Variants in ZPR1 observed in about 807,000 individuals in gnomAD.
ZPR1 encodes the protein zinc finger protein ZPR1.
Under a neutral mutation model 59.6 loss-of-function variants are expected in ZPR1, and 37 were observed. That is an observed-to-expected ratio of 0.62 (90% CI 0.48 to 0.82). The LOEUF is 0.82. ZPR1 is among the 40% of genes least tolerant of loss of function. The pLI, the probability that ZPR1 is intolerant of heterozygous loss-of-function variation, is 0.00. For synonymous variants in ZPR1, 191 were observed against 215.2 expected, an observed-to-expected ratio of 0.89 and a Z score of 0.99; for missense variants, 527 against 579.9, an observed-to-expected ratio of 0.91 and a Z score of 0.94.
chr11:116,779,587 C>T (rs1240041801), intron 13 of ZPR1, among the ~76,000 whole-genome samples, 185 bp downstream of exon 13: 1 of 151,324 alleles, frequency 6.6e-6, no homozygotes, highest in Non-Finnish European at 1.5e-5. Context: ...TCTTTACATA[C>T]ACTTAAAAAA....
rs1309071241 is a variant in ZPR1 at position 116,774,138 on chromosome 11, TGACTG to T, written c.*4782_*4786del. 6.6e-6 allele frequency: 1 copy of T among 152,232 alleles called. No homozygotes were observed. The highest frequency in any genetic ancestry group is 6.5e-5 in the Admixed American group (1 of 15,270). The allele number at this position is 152,232 out of a possible 1,614,324, so 9.4% of individuals were successfully genotyped here. A position where few individuals can be genotyped will look rare whatever the true frequency, so the allele number is the denominator to read the frequency against. On this transcript the variant is annotated 3_prime_UTR_variant, in exon 14 of 14. Transcript: ENST00000227322. ...TATATATTCAAGGTGTACAATGTGA[TGACTG>T]GATATAATTATACATTGTGTAATGA...
In ZPR1 at chr11:116,784,739, T is replaced by G. The variant is rs186785890; in HGVS notation, c.820+116A>C. The G allele has an allele frequency of 8.2e-4, 911 of 1,107,670 alleles. 3 individuals are homozygous for G. The African/African-American group carries it at 0.012, about 15-fold the overall frequency. The allele number at this position is 1,107,670 out of a possible 1,614,324, so 68.6% of individuals were successfully genotyped here. A position where few individuals can be genotyped will look rare whatever the true frequency, so the allele number is the denominator to read the frequency against. On this transcript the variant is annotated intron_variant, in intron 8 of 13. Coordinates refer to ENST00000227322, the MANE Select transcript of ZPR1 (RefSeq NM_003904.5). ...ACACAGTCTAATCAAAGATAATATC[T>G]TCCTTATCACTGGGTATAAAGCATG... is the stretch of plus-strand genomic sequence containing the variant.
chr11:116,780,784 C>T (rs555926300), intron 12 of ZPR1, among the ~76,000 whole-genome samples: 6 of 152,136 alleles, frequency 3.9e-5, no homozygotes, highest in East Asian at 3.9e-4. Context: ...GTCTTTAGCC[C>T]GCTACTTGTA....
intron 9 of ZPR1, among the ~76,000 whole-genome samples, chr11:116,783,888 G>C (rs989672318): frequency 1.3e-5 from 2 of 149,184 alleles, no homozygotes; most frequent in Admixed American, 6.7e-5. Context: ...AAAGACTTTT[G>C]GGGTTGAAAG....
At chr11:116,783,737 GA>G (rs1940844786) in intron 9 of ZPR1, 118 bp from the exon 10 acceptor site, 1 of 752,496 alleles carries the variant, frequency 1.3e-6, no homozygotes, top group African/African-American at 1.7e-5. Flanking sequence ...AGCTACCAAA[GA>G]AAGAGCCTTC....
Position 116,785,641 on chromosome 11 carries a change from CAAATGGGAG to C in ZPR1, c.583-14_583-6del. On this transcript the variant is annotated splice_polypyrimidine_tract_variant and splice_region_variant and intron_variant, in intron 5 of 13. Transcript: ENST00000227322. ...CCCTGAGGGATCATCAATGATCTAA[CAAATGGGAG>C]AAGAGAGAGTCACTGCAAAAGAAAA... The C allele has an allele frequency of 6.2e-7, 1 of 1,614,012 alleles. No individual in the cohort carries two copies. Among genetic ancestry groups the C allele is most frequent in the South Asian group, 1.1e-5 (1 of 91,072 alleles).
Position 116,783,017 on chromosome 11 carries a change from T to G in ZPR1, c.994A>C (p.Ser332Arg). 1.2e-6 allele frequency: 2 copies of G among 1,614,036 alleles called. No homozygotes were observed. The highest frequency in any genetic ancestry group is 8.5e-7 in the Non-Finnish European group (1 of 1,179,894). The change falls in exon 11 of 14, where the codon AGT (serine) becomes CGT (arginine). Residue 332 changes from serine (S) to arginine (R), a missense_variant. Coordinates refer to ENST00000227322, the MANE Select transcript of ZPR1 (RefSeq NM_003904.5). ...AATTCTAGCTCTGGGATTTCCACAC[T>G]GCAAGTCTCAGACTGTGAAATGAGA... is the stretch of plus-strand genomic sequence containing the variant. ...TRDLLKSETCSVEIPELEFEL... is the reference protein window; with the variant it reads ...TRDLLKSETCRVEIPELEFEL...
At chr11:116,786,706 G>T in intron 3 of ZPR1, 125 bp from the exon 4 acceptor site, 1 of 833,718 alleles carries the variant, frequency 1.2e-6, no homozygotes, top group Non-Finnish European at 2.0e-6. Flanking sequence ...AAATGAGAAG[G>T]CCAGGTGCAA....
intron 12 of ZPR1, among the ~76,000 whole-genome samples, chr11:116,781,854 T>C (rs1940810639): frequency 1.3e-5 from 2 of 151,494 alleles, no homozygotes. Flanking sequence ...CTACTAAAAA[T>C]ACAAAAAATT....
rs200351872 is a variant in ZPR1, at chr11:116,783,521, G to C, written c.981+9C>G. On this transcript the variant is annotated intron_variant, in intron 10 of 13. Coordinates refer to ENST00000227322, the MANE Select transcript of ZPR1 (RefSeq NM_003904.5). ...AGGACAACAGTGACTTTCCCAAGCA[G>C]ACTGTTACCTTGAGGAGGTCTCTGG... is the stretch of plus-strand genomic sequence containing the variant. 3 of 1,609,826 alleles carry C rather than the reference G, an allele frequency of 1.9e-6. No homozygotes were observed. Among genetic ancestry groups the C allele is most frequent in the East Asian group, 4.5e-5 (2 of 44,870 alleles).
intron 8 of ZPR1, 87 bp from the exon 9 acceptor site, chr11:116,784,535 T>A (rs771596265): frequency 3.1e-6 from 4 of 1,279,316 alleles, no homozygotes; most frequent in Non-Finnish European, 4.6e-6. Context: ...CACAAACATA[T>A]GCTGGTCCCA....
chr11:116,784,672 T>C (rs778730282), intron 8 of ZPR1, among the ~76,000 whole-genome samples, 183 bp downstream of exon 8: 12 of 152,206 alleles, frequency 7.9e-5, no homozygotes, highest in Non-Finnish European at 5.9e-5. Flanking sequence ...CACAGCCTAG[T>C]GACCATGGCC....
At chr11:116,786,691 C>T (rs1333392695) in intron 3 of ZPR1, 110 bp from the exon 4 acceptor site, 2 of 960,224 alleles carry the variant, frequency 2.1e-6, no homozygotes, top group Non-Finnish European at 3.3e-6. Context: ...ATTTCCTCAT[C>T]TGTAAAATGA....
At chr11:116,781,613 G>A (rs1940805657) in intron 12 of ZPR1, among the ~76,000 whole-genome samples, 1 of 152,206 alleles carries the variant, frequency 6.6e-6, no homozygotes, top group African/African-American at 2.4e-5. Flanking sequence ...AGATGTGGAA[G>A]GTCCCAGAAA....
At chr11:116,786,124 A>T (rs539999627) in intron 4 of ZPR1, among the ~76,000 whole-genome samples, 1 of 152,202 alleles carries the variant, frequency 6.6e-6, no homozygotes. Flanking sequence ...CACGTTAGAG[A>T]TATAATAGTA....
chr11:116,785,758 C>T (rs1427796434), intron 5 of ZPR1, 38 bp downstream of exon 5: 2 of 1,612,004 alleles, frequency 1.2e-6, no homozygotes, highest in East Asian at 4.5e-5. Flanking sequence ...GGTCCCTCCT[C>T]CCCTAATCAA....
At chr11:116,787,313 T>C in intron 2 of ZPR1, 169 bp downstream of exon 2, 2 of 739,938 alleles carry the variant, frequency 2.7e-6, no homozygotes, top group Non-Finnish European at 4.4e-6. Flanking sequence ...TTTTCACAAA[T>C]CTTATCTCAC....
chr11:116,782,380 G>T, intron 11 of ZPR1, 136 bp from the exon 12 acceptor site: 1 of 669,918 alleles, frequency 1.5e-6, no homozygotes, highest in Non-Finnish European at 2.6e-6. Context: ...CCACCTTTCT[G>T]ACCAAGGCAG....
In ZPR1 at chr11:116,785,864, C is replaced by T; in HGVS notation, c.514G>A (p.Ala172Thr). Residue 172 changes from alanine (A) to threonine (T), a missense_variant, in exon 5 of 14, where the codon GCT becomes ACT. Coordinates refer to ENST00000227322, the MANE Select transcript of ZPR1 (RefSeq NM_003904.5). ...PARRANKDAT[A>T]ERIDEFIVKL... ...ACAATGAACTCATCAATTCTTTCAG[C>T]TGTAGCATCTTTGTTTGCCTGCCAT... 6.2e-7 allele frequency: 1 copy of T among 1,614,206 alleles called. No individual in the cohort carries two copies. Among genetic ancestry groups the T allele is most frequent in the Middle Eastern group, 1.6e-4 (1 of 6,062 alleles).
Sources: allele counts gnomAD v4.1 joint callset (sites outside exome capture counted in the v4.1 genomes callset), GRCh38; gene constraint gnomAD v4.1.1; transcripts MANE v1.5; gene names NCBI Gene and HGNC (gene_info 2026-07-23, HGNC 2026-07-21).